Variants in MYLK3 observed in about 807,000 individuals in gnomAD.
MYLK3 encodes the protein myosin light chain kinase 3, also known as MLC kinase.
In MYLK3, 55 loss-of-function variants were observed where a neutral mutation model predicts 76.3. The observed-to-expected ratio is 0.72, with a 90% CI of 0.58 to 0.90. The LOEUF (loss-of-function observed/expected upper bound fraction) is 0.90. Ranked by LOEUF, MYLK3 falls within the 40% of genes least tolerant of loss-of-function variation. The pLI is 0.00. For missense variants in MYLK3, 973 were observed against 1,053.6 expected, an observed-to-expected ratio of 0.92 and a Z score of 1.06; for synonymous variants, 416 against 425.4, an observed-to-expected ratio of 0.98 and a Z score of 0.27.
intron 3 of MYLK3, among the ~76,000 whole-genome samples, 189 bp downstream of exon 3, chr16:46,737,522 T>G (rs1371125379): frequency 6.6e-6 from 1 of 152,182 alleles, no homozygotes; most frequent in Non-Finnish European, 1.5e-5. Flanking sequence ...TCCCCCCAGT[T>G]ATTTCTAGTG....
chr16:46,729,248 A>C, intron 6 of MYLK3, 115 bp from the exon 7 acceptor site: 9 of 800,562 alleles, frequency 1.1e-5, no homozygotes, highest in Non-Finnish European at 1.7e-5. Context: ...TCCTATTCTC[A>C]CACCAGGTCT....
At position 46,748,256 on chromosome 16, in the gene MYLK3, C is replaced by G; in HGVS notation, c.-63G>C. 6.5e-7 allele frequency: 1 copy of G among 1,538,438 alleles called. No individual in the cohort carries two copies. Among genetic ancestry groups the G allele is most frequent in the Non-Finnish European group, 8.7e-7 (1 of 1,144,498 alleles). On this transcript the variant is annotated 5_prime_UTR_variant, in exon 1 of 13. It removes the in-frame stop codon of an upstream open reading frame in the 5' UTR. Coordinates refer to ENST00000394809, the MANE Select transcript of MYLK3 (RefSeq NM_182493.3). The surrounding 1 kb of genome is among the most constrained non-coding windows in gnomAD (Gnocchi z 4.3). ...AGGAGAGGCACAGACCCCTGGTTCT[C>G]ACTCAGGCGGTGGTGTCTGCAAGGT...
Position 46,706,703 on chromosome 16 carries a change from GTTCATC to G in MYLK3, c.*995_*1000del, listed in dbSNP as rs1455322844. The G allele has an allele frequency of 2.6e-5, 4 of 152,212 alleles. No homozygotes were observed. In the South Asian group the frequency reaches 6.2e-4, roughly 24 times the overall value. 9.4% of individuals were successfully genotyped at this position (152,212 alleles called of 1,614,324 possible). On this transcript the variant is annotated 3_prime_UTR_variant, in exon 13 of 13. Coordinates refer to ENST00000394809, the MANE Select transcript of MYLK3 (RefSeq NM_182493.3). ...AGTGAAAGTGGATCATCATAAAGGT[GTTCATC>G]TTCATCATCTTCCTGTTGAGTAGGC...
chr16:46,763,198 T>C (rs780136686), exon 1 of MYLK3: 428 of 985,312 alleles, frequency 4.3e-4, no homozygotes, highest in Non-Finnish European at 5.0e-4. Flanking sequence ...CAAGACAAGA[T>C]CTGTGCAAGC....
At chr16:46,713,199 CTTT>C (rs11408687) in intron 9 of MYLK3, among the ~76,000 whole-genome samples, 1 of 137,816 alleles carries the variant, frequency 7.3e-6, no homozygotes. Flanking sequence ...TATATGATGC[CTTT>C]TTTTTTTTTT....
At chr16:46,757,877 G>C (rs1307802080) in intron 1 of MYLK3, among the ~76,000 whole-genome samples, 1 of 152,194 alleles carries the variant, frequency 6.6e-6, no homozygotes, top group African/African-American at 2.4e-5. Flanking sequence ...CCCACATCCG[G>C]GTGCAGGGGC....
At chr16:46,709,192 C>T (rs1165990100) in intron 12 of MYLK3, among the ~76,000 whole-genome samples, 1 of 152,078 alleles carries the variant, frequency 6.6e-6, no homozygotes, top group East Asian at 1.9e-4. Flanking sequence ...GAGGCTGAGG[C>T]AGGAGGAGTG....
intron 8 of MYLK3, chr16:46,727,026 ATAATACT>A: frequency 2.3e-6 from 1 of 429,840 alleles, no homozygotes; most frequent in Non-Finnish European, 4.1e-6. Context: ...TAATCTTCAA[ATAATACT>A]TAAAGAGGTA....
intron 12 of MYLK3, 130 bp downstream of exon 12, chr16:46,709,409 A>T (rs1426743065): frequency 4.0e-5 from 41 of 1,034,044 alleles, no homozygotes; most frequent in Non-Finnish European, 5.6e-6. Context: ...GCAACAGAGC[A>T]AGACCCTGTC....
chr16:46,707,756 A>T lies in MYLK3; in HGVS notation c.2408T>A (p.Phe803Tyr), dbSNP rs769096410. Residue 803 changes from phenylalanine (F) to tyrosine (Y), a missense_variant, in exon 13 of 13, where the codon TTC becomes TAC. This residue lies in a region of MYLK3 where 332 missense variants were observed against 416.6 expected (regional missense o/e 0.80). Transcript: ENST00000394809. ...CCTGTTGGCAGCAGTCACCACATAG[A>T]AATGTTTCTTGAGGCAAGGAGAGAA... Reference protein sequence around the residue: ...YIAQRKWKKHFYVVTAANRLR... With the variant: ...YIAQRKWKKHYYVVTAANRLR... 3 of 1,612,096 alleles carry T rather than the reference A, an allele frequency of 1.9e-6. No individual in the cohort carries two copies. The South Asian group carries it at 3.3e-5, about 18-fold the overall frequency.
In MYLK3 at chr16:46,746,677, G is replaced by A. The variant is rs375012901; in HGVS notation, c.477+1040C>T. Among the ~76,000 whole-genome samples the A allele has an allele frequency of 2.6e-5, 4 of 152,048 alleles. No homozygotes were observed. The East Asian group carries it at 5.8e-4, about 22-fold the overall frequency. Reference sequence around the variant, plus strand: ...TGGCCTCAAGCAATCCTCCCACCTCGGCCTCCCAAAGCACTAGGATTACAG... The same window carrying A: ...TGGCCTCAAGCAATCCTCCCACCTCAGCCTCCCAAAGCACTAGGATTACAG... On this transcript the variant is annotated intron_variant, in intron 1 of 12. Coordinates refer to ENST00000394809, the MANE Select transcript of MYLK3 (RefSeq NM_182493.3).
chr16:46,732,674 G>A lies in MYLK3; in HGVS notation c.1002-6C>T. On this transcript the variant is annotated splice_polypyrimidine_tract_variant and splice_region_variant and intron_variant, in intron 3 of 12. Transcript: ENST00000394809. ...CTTGTATGTGGATGGAGATCCTGGG[G>A]TGGAGAGAAACATGGTGCTGAGGTT... is the stretch of plus-strand genomic sequence containing the variant. 2 of 1,495,018 alleles carry A rather than the reference G, an allele frequency of 1.3e-6. No individual in the cohort carries two copies. The highest frequency in any genetic ancestry group is 1.8e-6 in the Non-Finnish European group (2 of 1,128,756). The allele number at this position is 1,495,018 out of a possible 1,614,324, so 92.6% of individuals were successfully genotyped here.
At position 46,747,257 on chromosome 16, in the gene MYLK3, T is replaced by C. The variant is rs550768385; in HGVS notation, c.477+460A>G. On this transcript the variant is annotated intron_variant, in intron 1 of 12. Transcript: ENST00000394809. ...CAACACTCGTCTCCCCACAGGCAGC[T>C]GCACTCTCCACTCCCTCTGGAGCTA... Among the ~76,000 whole-genome samples, 6 of 152,308 alleles carry C rather than the reference T, an allele frequency of 3.9e-5. No homozygotes were observed. In the South Asian group the frequency reaches 1.2e-3, roughly 32 times the overall value.
At chr16:46,740,201 GC>G in intron 1 of MYLK3, 54 bp from the exon 2 acceptor site, 2 of 1,454,858 alleles carry the variant, frequency 1.4e-6, no homozygotes, top group Non-Finnish European at 1.9e-6. Context: ...TGCCATTCAG[GC>G]CACAGACATT....
rs779048286 is a variant in MYLK3, at chr16:46,730,641, G to A, written c.1520C>T (p.Thr507Ile). ...FEHRVVSVKE[T>I]SISAGYEVCQ... ...CACCTCGTAACCCGCAGAGATGGAG[G>A]TCTCCTTGACGCTCACTACCCGGTG... is the stretch of plus-strand genomic sequence containing the variant. Residue 507 changes from threonine (T) to isoleucine (I), a missense_variant, in exon 5 of 13, where the codon ACC becomes ATC. Around this residue, in one of 2 missense-constraint regions of MYLK3, gnomAD observed 332 missense variants for 416.6 expected, o/e 0.80. Transcript: ENST00000394809. The A allele has an allele frequency of 6.2e-7, 1 of 1,614,070 alleles. No homozygotes were observed. The highest frequency in any genetic ancestry group is 8.5e-7 in the Non-Finnish European group (1 of 1,180,024).
intron 1 of MYLK3, among the ~76,000 whole-genome samples, chr16:46,755,377 G>C (rs1220792834): frequency 1.3e-5 from 2 of 151,730 alleles, no homozygotes; most frequent in Non-Finnish European, 2.9e-5. Context: ...AGAATTGCTT[G>C]AACTTGGGAG....
At position 46,729,599 on chromosome 16, in the gene MYLK3, C is replaced by T; in HGVS notation, c.1657G>A (p.Asp553Asn). Residue 553 changes from aspartate (D) to asparagine (N), a missense_variant, in exon 6 of 13, where the codon GAC (aspartate) becomes AAC (asparagine). Physicochemically the swap from Asp to Asn is conservative, Grantham distance 23. This residue lies in a region of MYLK3 where 332 missense variants were observed against 416.6 expected (regional missense o/e 0.80). Coordinates refer to ENST00000394809, the MANE Select transcript of MYLK3 (RefSeq NM_182493.3). ...GGCCCAGCCAGATGCCTCACCCGGTCCTTGGCGCTCTTCACTTTGATGATC... is the reference window on the plus strand; with the variant it reads ...GGCCCAGCCAGATGCCTCACCCGGTTCTTGGCGCTCTTCACTTTGATGATC... ...AKIIKVKSAK[D>N]REDVKNEINI... 2 of 1,613,636 alleles carry T rather than the reference C, an allele frequency of 1.2e-6. No homozygotes were observed. Among genetic ancestry groups the T allele is most frequent in the East Asian group, 2.2e-5 (1 of 44,884 alleles).
chr16:46,716,414 A>T (rs996142444), intron 9 of MYLK3, among the ~76,000 whole-genome samples: 1 of 149,976 alleles, frequency 6.7e-6, no homozygotes, highest in Non-Finnish European at 1.5e-5. Flanking sequence ...ATGTATGTGT[A>T]TATATATATA....
chr16:46,715,821 A>T (rs1966732041), intron 9 of MYLK3, among the ~76,000 whole-genome samples: 1 of 152,110 alleles, frequency 6.6e-6, no homozygotes, highest in African/African-American at 2.4e-5. Context: ...TATTTTCTAT[A>T]GTTTGTATTG....
Sources: gnomAD v4.1 joint callset for allele counts (sites outside exome capture counted in the v4.1 genomes callset) on GRCh38, gnomAD v4.1.1 for gene constraint, gnomAD v4.1.1 regional missense constraint, Gnocchi (gnomAD v3.1) non-coding constraint, MANE v1.5 for transcripts, NCBI Gene and HGNC (gene_info 2026-07-23, HGNC 2026-07-21) for gene names.